The following LAMA3 variants were observed in gnomAD, a reference collection of about 807,000 sequenced individuals.
LAMA3 encodes the protein laminin subunit alpha 3.
A neutral mutation model predicts 402.0 loss-of-function variants in LAMA3; 281 were observed. The observed-to-expected ratio is 0.70, with a 90% CI of 0.63 to 0.77. The LOEUF (loss-of-function observed/expected upper bound fraction) is 0.77. LAMA3 is among the 30% of genes least tolerant of loss of function. The pLI is 0.00. For synonymous variants in LAMA3, 1,431 were observed against 1,558.4 expected, an observed-to-expected ratio of 0.92 and a Z score of 1.93; for missense variants, 3,840 against 4,215.5, an observed-to-expected ratio of 0.91 and a Z score of 2.47.
intron 15 of LAMA3, among the ~76,000 whole-genome samples, chr18:23,814,932 A>G (rs558802036): frequency 6.6e-6 from 1 of 152,326 alleles, no homozygotes; most frequent in South Asian, 2.1e-4. Context: ...CAAAAATCCC[A>G]TGATGTTGCA....
chr18:23,824,706 C>A lies in LAMA3; in HGVS notation c.2571+141C>A, dbSNP rs745686650. 5 of 892,202 alleles carry A rather than the reference C, an allele frequency of 5.6e-6. No individual in the cohort carries two copies. The Admixed American group carries it at 5.8e-5, about 10-fold the overall frequency. The allele number at this position is 892,202 out of a possible 1,614,324, so 55.3% of individuals were successfully genotyped here. On this transcript the variant is annotated intron_variant, in intron 21 of 74. Coordinates refer to ENST00000313654, the MANE Select transcript of LAMA3 (RefSeq NM_198129.4). ...AGACACAGGAACAATTCAGCCCCAA[C>A]CTAAGGAAACTGTGGTGACATTCAC...
At chr18:23,713,892 C>CAAA (rs759823364) in intron 1 of LAMA3, 28 bp from the exon 2 acceptor site, 262 of 1,591,100 alleles carry the variant, frequency 1.6e-4, no homozygotes, top group South Asian at 1.8e-4. Flanking sequence ...AAACAAAAAA[C>CAAA]AAAAAAAACC....
intron 32 of LAMA3, among the ~76,000 whole-genome samples, chr18:23,847,894 C>T (rs1323739321): frequency 6.6e-6 from 1 of 152,236 alleles, no homozygotes. Context: ...TCATCTTGGG[C>T]CGGCAGCAGC....
In LAMA3 at chr18:23,842,377, C is replaced by T. The variant is rs1191941420; in HGVS notation, c.3337-18C>T. On this transcript the variant is annotated intron_variant, in intron 27 of 74. Coordinates refer to ENST00000313654, the MANE Select transcript of LAMA3 (RefSeq NM_198129.4). Reference sequence around the variant, plus strand: ...TTGAGGGTTTTTAATTTTTTTTCCTCCTCTTTTTTCCTCTTAGAATCAAGT... The same window carrying T: ...TTGAGGGTTTTTAATTTTTTTTCCTTCTCTTTTTTCCTCTTAGAATCAAGT... 1.2e-6 allele frequency: 2 copies of T among 1,614,006 alleles called. No homozygotes were observed. The highest frequency in any genetic ancestry group is 3.3e-5 in the Admixed American group (2 of 60,016).
chr18:23,949,741 T>C, intron 70 of LAMA3, 24 bp from the exon 71 acceptor site: 1 of 1,613,174 alleles, frequency 6.2e-7, no homozygotes. Context: ...GGTAATGAGC[T>C]TTTTCTTTTC....
chr18:23,828,629 C>T (rs1199799263), intron 23 of LAMA3, among the ~76,000 whole-genome samples: 3 of 151,940 alleles, frequency 2.0e-5, no homozygotes, highest in African/African-American at 4.8e-5. Context: ...CAAGAGGTAC[C>T]GTTGAGAAGG....
At chr18:23,755,460 C>A (rs2061826489) in intron 6 of LAMA3, among the ~76,000 whole-genome samples, 2 of 152,224 alleles carry the variant, frequency 1.3e-5, no homozygotes, top group African/African-American at 4.8e-5. Flanking sequence ...TGAACTTGAA[C>A]AAATGCTGAT....
At chr18:23,783,849 T>G (rs1212491999) in intron 11 of LAMA3, among the ~76,000 whole-genome samples, 174 bp from the exon 12 acceptor site, 2 of 152,164 alleles carry the variant, frequency 1.3e-5, no homozygotes, top group Non-Finnish European at 2.9e-5. Context: ...TCTGACCTTT[T>G]GTGAATTTTT....
intron 12 of LAMA3, among the ~76,000 whole-genome samples, chr18:23,793,830 C>T (rs1437681124): frequency 6.6e-6 from 1 of 152,156 alleles, no homozygotes; most frequent in Non-Finnish European, 1.5e-5. Flanking sequence ...AAGACTGCTC[C>T]CTCCTTCCCT....
At chr18:23,933,696 CT>C in intron 66 of LAMA3, 85 bp from the exon 67 acceptor site, 1 of 1,465,630 alleles carries the variant, frequency 6.8e-7, no homozygotes, top group South Asian at 1.2e-5. Flanking sequence ...AAAACATGTA[CT>C]TTTTGAAATG....
rs35153125 is a variant in LAMA3, at chr18:23,932,212, C to T, written c.8629C>T (p.His2877Tyr). The T allele has an allele frequency of 4.7e-4, 751 of 1,614,120 alleles. 5 individuals carry two copies. The African/African-American group carries it at 8.4e-3, about 18-fold the overall frequency. ...QLLRNSKRLKHISSSRQSLRL... is the reference protein window; with the variant it reads ...QLLRNSKRLKYISSSRQSLRL... ...TCTGAGAAATAGCAAAAGGCTAAAA[C>T]ACATTTCAAGTTCCCGGCAGTCTCT... Residue 2877 changes from histidine (H) to tyrosine (Y), a missense_variant, in exon 66 of 75, where the codon CAC (histidine) becomes TAC (tyrosine). Transcript: ENST00000313654.
At chr18:23,887,582 T>C (rs2080481072) in intron 41 of LAMA3, among the ~76,000 whole-genome samples, 1 of 152,274 alleles carries the variant, frequency 6.6e-6, no homozygotes, top group Non-Finnish European at 1.5e-5. Context: ...AATGCCATTT[T>C]ATGTCAACAT....
At position 23,845,034 on chromosome 18, in the gene LAMA3, A is replaced by C; in HGVS notation, c.3629A>C (p.Glu1210Ala). ...GTCCGTGTTCTAGTGGTGCCTGCAG[A>C]AAACTATGACTACCAAATACTTCAC... is the stretch of plus-strand genomic sequence containing the variant. ...VLVRVLVVPAENYDYQILHKK... is the reference protein window; with the variant it reads ...VLVRVLVVPAANYDYQILHKK... Residue 1210 changes from glutamate to alanine, a missense_variant, in exon 30 of 75, where the codon GAA (glutamate) becomes GCA (alanine). Transcript: ENST00000313654. 1.2e-6 allele frequency: 2 copies of C among 1,609,694 alleles called. No homozygotes were observed. The highest frequency in any genetic ancestry group is 1.7e-6 in the Non-Finnish European group (2 of 1,175,902).
intron 44 of LAMA3, chr18:23,898,534 T>C: frequency 1.7e-6 from 1 of 594,382 alleles, no homozygotes; most frequent in Non-Finnish European, 3.0e-6. Flanking sequence ...TTTGTCACAT[T>C]TGCTACTTTA....
At position 23,926,305 on chromosome 18, in the gene LAMA3, C is replaced by A. The variant is rs958113726; in HGVS notation, c.8178-1818C>A. Reference sequence around the variant, plus strand: ...CTCCTACTATTTTCCTTTTCTGCAACCTTCTTTCTTTGACCAATAATCTAT... The same window carrying A: ...CTCCTACTATTTTCCTTTTCTGCAAACTTCTTTCTTTGACCAATAATCTAT... On this transcript the variant is annotated intron_variant, in intron 62 of 74. Coordinates refer to ENST00000313654, the MANE Select transcript of LAMA3 (RefSeq NM_198129.4). Among the ~76,000 whole-genome samples, 5 of 152,320 alleles carry A rather than the reference C, an allele frequency of 3.3e-5. 1 individual carries two copies. The highest frequency in any genetic ancestry group is 3.9e-4 in the East Asian group (2 of 5,188).
intron 1 of LAMA3, among the ~76,000 whole-genome samples, chr18:23,693,119 G>A (rs1431858791): frequency 2.0e-5 from 3 of 152,156 alleles, no homozygotes; most frequent in South Asian, 2.1e-4. Context: ...CGAGGTGGGC[G>A]GATCGCCTGA....
chr18:23,928,641 C>T lies in LAMA3; in HGVS notation c.8312C>T (p.Ser2771Leu). Residue 2771 changes from serine to leucine, a missense_variant, in exon 64 of 75, where the codon TCA becomes TTA. By Grantham distance (145) the Ser-to-Leu change is moderately radical. Around this residue, in one of 3 missense-constraint regions of LAMA3, gnomAD observed 840 missense variants for 981.9 expected, o/e 0.86. Coordinates refer to ENST00000313654, the MANE Select transcript of LAMA3 (RefSeq NM_198129.4). ...SEDWKLVRSASFSRGGQLSFT... is the reference protein window; with the variant it reads ...SEDWKLVRSALFSRGGQLSFT... ...GCATTTCAGCTTGTGCGATCTGCCT[C>T]ATTCTCCAGAGGAGGACAATTGAGT... is the stretch of plus-strand genomic sequence containing the variant. The T allele has an allele frequency of 6.2e-7, 1 of 1,614,074 alleles. No homozygotes were observed. Among genetic ancestry groups the T allele is most frequent in the Non-Finnish European group, 8.5e-7 (1 of 1,179,900 alleles).
chr18:23,907,747 G>A lies in LAMA3; in HGVS notation c.6836-9G>A, dbSNP rs1485647487. On this transcript the variant is annotated splice_polypyrimidine_tract_variant and intron_variant, in intron 53 of 74. Coordinates refer to ENST00000313654, the MANE Select transcript of LAMA3 (RefSeq NM_198129.4). ...GATACTTATACCTCCCTATCTGTGT[G>A]TGCATTAGGTGATATTGATGCTATG... is the stretch of plus-strand genomic sequence containing the variant. The A allele has an allele frequency of 1.2e-6, 2 of 1,614,072 alleles. No individual in the cohort carries two copies. The highest frequency in any genetic ancestry group is 1.7e-6 in the Non-Finnish European group (2 of 1,179,954).
intron 12 of LAMA3, among the ~76,000 whole-genome samples, chr18:23,798,813 T>C (rs2062815336): frequency 6.6e-6 from 1 of 152,238 alleles, no homozygotes; most frequent in Admixed American, 6.5e-5. Context: ...CCAATCGGCC[T>C]TTCTACAAGA....
Sources: gnomAD v4.1 joint callset for allele counts (sites outside exome capture counted in the v4.1 genomes callset) on GRCh38, gnomAD v4.1.1 for gene constraint, gnomAD v4.1.1 regional missense constraint, MANE v1.5 for transcripts, NCBI Gene and HGNC (gene_info 2026-07-23, HGNC 2026-07-21) for gene names.